Variants in ZYG11B observed in about 807,000 individuals in gnomAD.
The protein encoded by ZYG11B is protein zyg-11 homolog B.
In ZYG11B, 36 loss-of-function variants were observed where a neutral mutation model predicts 82.4. That is an observed-to-expected ratio of 0.44 (90% CI 0.33 to 0.58). The LOEUF (loss-of-function observed/expected upper bound fraction) is 0.58. ZYG11B is among the 20% of genes least tolerant of loss of function. The pLI is 0.02. For synonymous variants in ZYG11B, 303 were observed against 312.8 expected (o/e 0.97, Z 0.33); for missense variants, 552 against 895.6 (o/e 0.62, Z 4.90).
At chr1:52,816,149 G>T (rs1196063252) in intron 12 of ZYG11B, among the ~76,000 whole-genome samples, 1 of 151,864 alleles carries the variant, frequency 6.6e-6, no homozygotes, top group Non-Finnish European at 1.5e-5. Context: ...ATTCAGACCA[G>T]TAGAAAATAG....
chr1:52,783,838 A>ATATGTACATACACACGTGCG (rs1644880406), intron 4 of ZYG11B, among the ~76,000 whole-genome samples: 3 of 101,764 alleles, frequency 2.9e-5, no homozygotes, highest in African/African-American at 1.1e-4. Flanking sequence ...ATACGTGTGT[A>ATATGTACATACACACGTGCG]TATGTACATA....
intron 10 of ZYG11B, among the ~76,000 whole-genome samples, chr1:52,809,772 G>A (rs1447936283): frequency 1.3e-5 from 2 of 151,996 alleles, no homozygotes; most frequent in Non-Finnish European, 2.9e-5. Context: ...AAGTGGTGTT[G>A]AGTATATTTG....
intron 1 of ZYG11B, among the ~76,000 whole-genome samples, chr1:52,735,651 C>T (rs971418611): frequency 4.6e-5 from 7 of 152,272 alleles, no homozygotes; most frequent in Non-Finnish European, 1.0e-4. Context: ...ATTCTCCTGC[C>T]TCAGCCTTCT....
At chr1:52,784,835 T>A in intron 4 of ZYG11B, 42 bp from the exon 5 acceptor site, 1 of 1,583,642 alleles carries the variant, frequency 6.3e-7, no homozygotes, top group Non-Finnish European at 8.6e-7. Context: ...AGAGGGCTTG[T>A]ATTTATAAGG....
chr1:52,789,928 T>TTA (rs1644942821), intron 5 of ZYG11B, 75 bp from the exon 6 acceptor site: 2 of 1,023,632 alleles, frequency 2.0e-6, no homozygotes, highest in Admixed American at 2.6e-5. Context: ...TTTTTTTTTT[T>TTA]ATGGAAGCTA....
intron 10 of ZYG11B, among the ~76,000 whole-genome samples, chr1:52,808,147 A>G (rs1268558316): frequency 3.3e-5 from 5 of 152,106 alleles, no homozygotes; most frequent in African/African-American, 9.7e-5. Flanking sequence ...TGGATCACCT[A>G]AGGTCAGGAG....
At chr1:52,767,254 T>G (rs1644704767) in intron 2 of ZYG11B, among the ~76,000 whole-genome samples, 1 of 151,534 alleles carries the variant, frequency 6.6e-6, no homozygotes, top group Admixed American at 6.6e-5. Flanking sequence ...GTTGTTATTT[T>G]ATGTTATTTT....
chr1:52,765,811 T>C (rs1644678300), intron 2 of ZYG11B, among the ~76,000 whole-genome samples: 1 of 152,190 alleles, frequency 6.6e-6, no homozygotes, highest in Non-Finnish European at 1.5e-5. Context: ...TCATTATTTC[T>C]TTAAGTACTT....
intron 10 of ZYG11B, among the ~76,000 whole-genome samples, chr1:52,808,541 A>G (rs1271759864): frequency 6.6e-6 from 1 of 152,032 alleles, no homozygotes; most frequent in Non-Finnish European, 1.5e-5. Context: ...TTTTTAAAAT[A>G]TTTTTGTACA....
At chr1:52,817,328 G>C (rs1432202698) in intron 13 of ZYG11B, among the ~76,000 whole-genome samples, 1 of 152,034 alleles carries the variant, frequency 6.6e-6, no homozygotes, top group Non-Finnish European at 1.5e-5. Context: ...CAGCACCCAT[G>C]GTTTCTGAAG....
rs1189957601 is a variant in ZYG11B at position 52,796,313 on chromosome 1, C to T, written c.1356C>T (p.Val452=). 7 of 1,613,480 alleles carry T rather than the reference C, an allele frequency of 4.3e-6. No homozygotes were observed. Among genetic ancestry groups the T allele is most frequent in the Non-Finnish European group, 5.9e-6 (7 of 1,179,714 alleles). The part of the protein sequence containing the change: ...PFNRFEAAKL[V]MQWLCNHEDQ... ...TCAGGTTTGAAGCAGCCAAGCTTGT[C>T]ATGCAGTGGCTTTGCAACCATGAGG... The change falls in exon 7 of 14, where the codon GTC becomes GTT. Residue 452 remains valine (V), a synonymous_variant. Coordinates refer to ENST00000294353, the MANE Select transcript of ZYG11B (RefSeq NM_024646.3).
chr1:52,756,845 TCTCA>T (rs1644581705), intron 2 of ZYG11B, among the ~76,000 whole-genome samples: 1 of 148,160 alleles, frequency 6.7e-6, no homozygotes, highest in Non-Finnish European at 1.5e-5. Context: ...CTTGACAGGG[TCTCA>T]CTCTGTTACC....
intron 2 of ZYG11B, among the ~76,000 whole-genome samples, chr1:52,765,623 GA>G (rs1571760873): frequency 1.3e-5 from 2 of 151,984 alleles, no homozygotes; most frequent in Admixed American, 6.6e-5. Context: ...TCAGCCTCCC[GA>G]CTAGCTAGCT....
At chr1:52,755,533 C>T (rs1249151807) in intron 1 of ZYG11B, among the ~76,000 whole-genome samples, 4 of 152,030 alleles carry the variant, frequency 2.6e-5, no homozygotes, top group Non-Finnish European at 5.9e-5. Context: ...CGGAGTTTCG[C>T]TCTTGTTGCC....
At chr1:52,815,434 A>G (rs2149966237) in intron 12 of ZYG11B, among the ~76,000 whole-genome samples, 1 of 152,250 alleles carries the variant, frequency 6.6e-6, no homozygotes, top group East Asian at 1.9e-4. Context: ...CAGCCTGAGC[A>G]ACATAGTGAG....
intron 3 of ZYG11B, chr1:52,772,717 G>A (rs954255424): frequency 4.9e-5 from 33 of 676,216 alleles, no homozygotes; most frequent in Non-Finnish European, 7.0e-5. Context: ...TTGCTCTGTC[G>A]CCCAGGCTGG....
chr1:52,749,293 T>C (rs1340288582), intron 1 of ZYG11B, among the ~76,000 whole-genome samples: 1 of 152,088 alleles, frequency 6.6e-6, no homozygotes, highest in Non-Finnish European at 1.5e-5. Flanking sequence ...GATGTGAAAA[T>C]ATCTGTTACA....
At chr1:52,815,125 T>G (rs1645212646) in intron 12 of ZYG11B, among the ~76,000 whole-genome samples, 2 of 152,140 alleles carry the variant, frequency 1.3e-5, no homozygotes, top group African/African-American at 4.8e-5. Context: ...GCCACTGCAC[T>G]GCAGCCTGGG....
At chr1:52,796,027 A>G (rs1263007894) in intron 6 of ZYG11B, among the ~76,000 whole-genome samples, 1 of 152,248 alleles carries the variant, frequency 6.6e-6, no homozygotes, top group Non-Finnish European at 1.5e-5. Context: ...TACAGAATAG[A>G]AATATGTTAT....
Sources: gnomAD v4.1 joint callset for allele counts (sites outside exome capture counted in the v4.1 genomes callset) on GRCh38, gnomAD v4.1.1 for gene constraint, MANE v1.5 for transcripts, NCBI Gene and HGNC (gene_info 2026-07-23, HGNC 2026-07-21) for gene names.